The following HIVEP3 variants were observed in gnomAD, a reference collection of about 807,000 sequenced individuals.
HIVEP3 encodes HIVEP zinc finger 3.
A neutral mutation model predicts 152.8 loss-of-function variants in HIVEP3; 49 were observed. That is an observed-to-expected ratio of 0.32 (90% CI 0.26 to 0.41). HIVEP3 has a LOEUF of 0.41. HIVEP3 is among the 10% of genes least tolerant of loss of function. The pLI is 1.00. For synonymous variants in HIVEP3, 1,269 were observed against 1,289.0 expected, an observed-to-expected ratio of 0.98 and a Z score of 0.33; for missense variants, 2,790 against 3,103.3, an observed-to-expected ratio of 0.90 and a Z score of 2.40.
At chr1:41,615,948 T>TC (rs1644962750) in intron 3 of HIVEP3, among the ~76,000 whole-genome samples, 1 of 147,866 alleles carries the variant, frequency 6.8e-6, no homozygotes, top group East Asian at 2.1e-4. Flanking sequence ...TATTAATAAC[T>TC]CCAAGACTCC....
At chr1:41,532,127 G>A (rs1643278136) in intron 5 of HIVEP3, among the ~76,000 whole-genome samples, 1 of 135,342 alleles carries the variant, frequency 7.4e-6, no homozygotes, top group East Asian at 2.1e-4. Flanking sequence ...GAGGACAGGG[G>A]AGATGGAGGC....
chr1:41,884,129 C>G (rs540638489), intron 1 of HIVEP3, among the ~76,000 whole-genome samples: 86 of 152,206 alleles, frequency 5.7e-4, no homozygotes, highest in African/African-American at 1.9e-3. Context: ...CCATGCCTGG[C>G]TAACTTTTGT....
At chr1:41,859,020 T>C (rs758693191) in intron 1 of HIVEP3, among the ~76,000 whole-genome samples, 1 of 152,218 alleles carries the variant, frequency 6.6e-6, no homozygotes, top group Non-Finnish European at 1.5e-5. Flanking sequence ...GCTTACTGGC[T>C]GGGTGGCCTT....
At chr1:41,861,686 G>A (rs151172483) in intron 1 of HIVEP3, among the ~76,000 whole-genome samples, 29 of 152,314 alleles carry the variant, frequency 1.9e-4, no homozygotes, top group East Asian at 9.7e-4. Context: ...AGATGAGAGC[G>A]TTGATAGGAA....
intron 6 of HIVEP3, 98 bp downstream of exon 6, chr1:41,524,637 C>G: frequency 8.6e-7 from 1 of 1,163,002 alleles, no homozygotes; most frequent in Middle Eastern, 2.8e-4. Flanking sequence ...TCCAGGCCCC[C>G]TGCAAAGAGG....
At chr1:41,656,804 A>T (rs1423545020) in intron 2 of HIVEP3, among the ~76,000 whole-genome samples, 1 of 152,254 alleles carries the variant, frequency 6.6e-6, no homozygotes, top group African/African-American at 2.4e-5. Context: ...ACAGTGAGAA[A>T]AGGGCAGGAC....
chr1:41,982,131 G>T (rs1212289354), intron 1 of HIVEP3, among the ~76,000 whole-genome samples: 1 of 152,180 alleles, frequency 6.6e-6, no homozygotes, highest in Non-Finnish European at 1.5e-5. Context: ...AGATTTCCTT[G>T]TTTGCTTGGT....
intron 1 of HIVEP3, among the ~76,000 whole-genome samples, chr1:41,917,475 C>A (rs1239575534): frequency 6.6e-6 from 1 of 152,176 alleles, no homozygotes; most frequent in Non-Finnish European, 1.5e-5. Context: ...TGCAGACCCT[C>A]TTCCTGCAAC....
At chr1:41,707,202 C>T (rs1244118370) in intron 1 of HIVEP3, among the ~76,000 whole-genome samples, 2 of 152,196 alleles carry the variant, frequency 1.3e-5, no homozygotes, top group African/African-American at 4.8e-5. Flanking sequence ...AGCTGGTGAA[C>T]TGCTACATTA....
chr1:41,547,657 G>A (rs936252942), intron 5 of HIVEP3, among the ~76,000 whole-genome samples: 26 of 152,226 alleles, frequency 1.7e-4, no homozygotes, highest in Admixed American at 1.5e-3. Context: ...GGCCAACCAT[G>A]TGGCAGAGTT....
At position 41,507,837 on chromosome 1, in the gene HIVEP3, C is replaced by A. The variant is rs1644399109; in HGVS notation, c.*2614G>T. ...TTAGAGCTGTGCCCAGTGACATATA[C>A]CCAGGCTGGTGGCATTGGTTCTGTC... On this transcript the variant is annotated 3_prime_UTR_variant, in exon 9 of 9. Transcript: ENST00000372583. The A allele has an allele frequency of 6.6e-6, 1 of 152,418 alleles. No homozygotes were observed. 9.4% of individuals were successfully genotyped at this position (152,418 alleles called of 1,614,324 possible).
intron 1 of HIVEP3, among the ~76,000 whole-genome samples, chr1:41,729,738 G>T (rs1270701942): frequency 6.6e-6 from 1 of 152,168 alleles, no homozygotes; most frequent in East Asian, 1.9e-4. Flanking sequence ...TCAGCCATGT[G>T]TCCTTGTTCC....
intron 7 of HIVEP3, among the ~76,000 whole-genome samples, chr1:41,514,343 C>T (rs4457566): frequency 0.042 from 6,400 of 152,230 alleles, 420 homozygotes; most frequent in African/African-American, 0.14. Context: ...ATTATAGCTA[C>T]CATATTAATA....
chr1:41,513,608 C>T lies in HIVEP3; in HGVS notation c.5613G>A (p.Gln1871=). 1 of 1,613,942 alleles carries T rather than the reference C, an allele frequency of 6.2e-7. No homozygotes were observed. The highest frequency in any genetic ancestry group is 1.3e-5 in the African/African-American group (1 of 75,072). The change falls in exon 8 of 9, where the codon CAG becomes CAA. Residue 1871 remains glutamine (Q), a synonymous_variant. Coordinates refer to ENST00000372583, the MANE Select transcript of HIVEP3 (RefSeq NM_024503.5). ...CTGAGGATGGTCTGGACAGCTCATC[C>T]TGGCTCTCCTCCTCATCCTCATCCT... ...EDEDEDEEES[Q]DELSRPSSEA...
At chr1:42,018,623 T>C (rs4660211) in intron 1 of HIVEP3, among the ~76,000 whole-genome samples, 103,130 of 151,812 alleles carry the variant, frequency 0.68, 35,674 homozygotes, top group East Asian at 0.96. Context: ...ACATAAAAAT[T>C]ACTTTTTAGC....
At chr1:41,675,164 T>C (rs1645936074) in intron 2 of HIVEP3, among the ~76,000 whole-genome samples, 1 of 152,140 alleles carries the variant, frequency 6.6e-6, no homozygotes, top group Non-Finnish European at 1.5e-5. Context: ...TCTCAATGGC[T>C]TCCTTCTGCT....
chr1:41,717,352 T>TA (rs1646610696), intron 1 of HIVEP3, among the ~76,000 whole-genome samples: 1 of 152,238 alleles, frequency 6.6e-6, no homozygotes. Context: ...TCTTGGAACT[T>TA]AAATTCTAAT....
At chr1:42,018,885 T>A (rs994679147) in intron 1 of HIVEP3, among the ~76,000 whole-genome samples, 2 of 152,202 alleles carry the variant, frequency 1.3e-5, no homozygotes, top group Admixed American at 1.3e-4. Flanking sequence ...ACAAATGTAT[T>A]GCTGTTTGTT....
At chr1:41,907,780 A>G (rs1644737687) in intron 1 of HIVEP3, among the ~76,000 whole-genome samples, 4 of 152,204 alleles carry the variant, frequency 2.6e-5, no homozygotes, top group Admixed American at 2.6e-4. Context: ...TCTTGGACAA[A>G]GAGAGTTTAT....
Sources: allele counts gnomAD v4.1 joint callset (sites outside exome capture counted in the v4.1 genomes callset), GRCh38; gene constraint gnomAD v4.1.1; transcripts MANE v1.5; gene names NCBI Gene and HGNC (gene_info 2026-07-23, HGNC 2026-07-21).